Variants in AIDA observed in about 807,000 individuals in gnomAD.
AIDA encodes axin interactor, dorsalization-associated protein.
Under a neutral mutation model 42.7 loss-of-function variants are expected in AIDA, and 18 were observed. That is an observed-to-expected ratio of 0.42 (90% CI 0.29 to 0.63). The LOEUF (loss-of-function observed/expected upper bound fraction) is 0.63. Among genes scored for constraint, AIDA ranks in the 20% least tolerant of loss-of-function variants. The pLI is 0.19. For synonymous variants in AIDA, 104 were observed against 122.9 expected, an observed-to-expected ratio of 0.85 and a Z score of 1.02; for missense variants, 250 against 354.1, an observed-to-expected ratio of 0.71 and a Z score of 2.36.
In AIDA at chr1:222,695,025, A is replaced by C. The variant is rs527439696; in HGVS notation, c.181-762T>G. Among the ~76,000 whole-genome samples the C allele has an allele frequency of 4.6e-5, 7 of 152,352 alleles. No individual in the cohort carries two copies. In the South Asian group the frequency reaches 1.2e-3, roughly 27 times the overall value. On this transcript the variant is annotated intron_variant, in intron 2 of 9. Coordinates refer to ENST00000340020, the MANE Select transcript of AIDA (RefSeq NM_022831.4). The stretch of plus-strand genomic sequence containing the variant: ...GAAAATTGTCATGGTTCAATTGTCT[A>C]AAGTCTCAAACTGAAAGCAGGCAGA...
intron 6 of AIDA, among the ~76,000 whole-genome samples, chr1:222,684,258 CCCA>C (rs1171602929): frequency 6.6e-6 from 1 of 152,030 alleles, no homozygotes; most frequent in Non-Finnish European, 1.5e-5. Flanking sequence ...ATTACAGGTG[CCCA>C]CCACCACGCC....
intron 6 of AIDA, among the ~76,000 whole-genome samples, chr1:222,678,132 G>A (rs1184767505): frequency 6.6e-6 from 1 of 151,790 alleles, no homozygotes; most frequent in African/African-American, 2.4e-5. Flanking sequence ...TAAGGCATCT[G>A]CATGTCTTTT....
At chr1:222,677,219 A>AT (rs1664561698) in intron 6 of AIDA, among the ~76,000 whole-genome samples, 2 of 152,220 alleles carry the variant, frequency 1.3e-5, no homozygotes, top group South Asian at 2.1e-4. Context: ...GAGAGGATCG[A>AT]TTTTTTAATA....
intron 5 of AIDA, among the ~76,000 whole-genome samples, chr1:222,687,256 C>A (rs942300868): frequency 6.6e-6 from 1 of 151,976 alleles, no homozygotes; most frequent in Non-Finnish European, 1.5e-5. Context: ...ACGGTGAAAT[C>A]CCGTCTCTAC....
intron 2 of AIDA, among the ~76,000 whole-genome samples, chr1:222,697,448 C>T (rs1176882902): frequency 3.4e-5 from 5 of 148,326 alleles, no homozygotes; most frequent in Admixed American, 6.8e-5. Context: ...TTTCACTTTT[C>T]TTAGAAACAG....
At chr1:222,693,363 T>G (rs1655426830) in intron 4 of AIDA, among the ~76,000 whole-genome samples, 1 of 151,788 alleles carries the variant, frequency 6.6e-6, no homozygotes. Context: ...TTCAAAAGAG[T>G]TTTAAGGAGA....
intron 6 of AIDA, among the ~76,000 whole-genome samples, chr1:222,680,790 G>C (rs765921688): frequency 6.6e-6 from 1 of 150,540 alleles, no homozygotes; most frequent in Non-Finnish European, 1.5e-5. Flanking sequence ...CTAAAGTAAT[G>C]TTCACTTAAA....
intron 6 of AIDA, among the ~76,000 whole-genome samples, chr1:222,676,637 T>C (rs1283650202): frequency 6.6e-6 from 1 of 152,108 alleles, no homozygotes; most frequent in Non-Finnish European, 1.5e-5. Flanking sequence ...AGAAATATAA[T>C]ACCAGAGTTG....
At chr1:222,678,217 G>A (rs2124950977) in intron 6 of AIDA, among the ~76,000 whole-genome samples, 2 of 151,564 alleles carry the variant, frequency 1.3e-5, no homozygotes, top group East Asian at 3.9e-4. Flanking sequence ...GTGTGTGTGT[G>A]TGTGTGTGTG....
At chr1:222,706,741 G>A (rs557094272) in intron 1 of AIDA, among the ~76,000 whole-genome samples, 6 of 151,270 alleles carry the variant, frequency 4.0e-5, no homozygotes, top group African/African-American at 1.2e-4. Flanking sequence ...GTGGTGATGC[G>A]CACCTGTAAT....
intron 8 of AIDA, 65 bp from the exon 9 acceptor site, chr1:222,670,315 C>A: frequency 7.7e-7 from 1 of 1,303,740 alleles, no homozygotes. Flanking sequence ...AATTAATTTT[C>A]TTTGATCACC....
intron 2 of AIDA, among the ~76,000 whole-genome samples, chr1:222,702,474 CT>C (rs1655735968): frequency 6.6e-6 from 1 of 152,088 alleles, no homozygotes; most frequent in Non-Finnish European, 1.5e-5. Flanking sequence ...CCTTCTAACT[CT>C]TTTAAAGCTT....
At chr1:222,706,667 G>A (rs759342160) in intron 1 of AIDA, among the ~76,000 whole-genome samples, 2 of 151,908 alleles carry the variant, frequency 1.3e-5, no homozygotes, top group African/African-American at 2.4e-5. Flanking sequence ...TGAGGAGTTC[G>A]AGACCAGCCT....
intron 2 of AIDA, among the ~76,000 whole-genome samples, chr1:222,699,236 A>G (rs1379236043): frequency 2.6e-5 from 4 of 152,230 alleles, no homozygotes; most frequent in African/African-American, 7.2e-5. Context: ...AAAATAGTAA[A>G]AGCATAAAAA....
intron 1 of AIDA, among the ~76,000 whole-genome samples, chr1:222,710,037 T>C (rs1478486696): frequency 2.0e-5 from 3 of 151,802 alleles, no homozygotes; most frequent in African/African-American, 7.3e-5. Context: ...CTCTTCCTCC[T>C]TCTACACCCT....
intron 2 of AIDA, among the ~76,000 whole-genome samples, chr1:222,700,501 T>C (rs1655660328): frequency 6.6e-6 from 1 of 152,016 alleles, no homozygotes; most frequent in African/African-American, 2.4e-5. Context: ...CTCACGCCTG[T>C]AATCCCAGCA....
intron 4 of AIDA, among the ~76,000 whole-genome samples, chr1:222,688,302 T>TAGC (rs1425715135): frequency 6.6e-6 from 1 of 152,226 alleles, no homozygotes; most frequent in African/African-American, 2.4e-5. Context: ...TGGTAGTTTG[T>TAGC]AGCAGCAAGG....
chr1:222,685,890 TG>T (rs1655155201), intron 6 of AIDA, among the ~76,000 whole-genome samples: 1 of 152,240 alleles, frequency 6.6e-6, no homozygotes, highest in Non-Finnish European at 1.5e-5. Context: ...CCGGGCGCAA[TG>T]GCTCATGCCT....
chr1:222,704,416 G>T (rs887020978), intron 1 of AIDA, among the ~76,000 whole-genome samples: 2 of 152,054 alleles, frequency 1.3e-5, no homozygotes, highest in African/African-American at 4.8e-5. Flanking sequence ...CTACCAAAAT[G>T]TCCATCAACT....
Sources: gnomAD v4.1 joint callset for allele counts (sites outside exome capture counted in the v4.1 genomes callset) on GRCh38, gnomAD v4.1.1 for gene constraint, MANE v1.5 for transcripts, NCBI Gene and HGNC (gene_info 2026-07-23, HGNC 2026-07-21) for gene names.